Variants in GPHN observed in about 807,000 individuals in gnomAD.
GPHN encodes the protein gephyrin.
A neutral mutation model predicts 95.5 loss-of-function variants in GPHN; 17 were observed. That is an observed-to-expected ratio of 0.18 (90% CI 0.12 to 0.27). The LOEUF (loss-of-function observed/expected upper bound fraction) is 0.27, where lower values mean the gene tolerates loss of function less well. Ranked by LOEUF, GPHN falls within the 10% of genes least tolerant of loss-of-function variation. GPHN has a pLI of 1.00. For synonymous variants in GPHN, 320 were observed against 322.5 expected, an observed-to-expected ratio of 0.99 and a Z score of 0.08; for missense variants, 660 against 978.1, an observed-to-expected ratio of 0.67 and a Z score of 4.34.
chr14:66,832,472 T>G (rs776231245), intron 4 of GPHN, among the ~76,000 whole-genome samples: 1 of 152,234 alleles, frequency 6.6e-6, no homozygotes, highest in Non-Finnish European at 1.5e-5. Flanking sequence ...TGGATATGTC[T>G]TAAAAATAAG....
In GPHN at chr14:66,695,885, G is replaced by A. The variant is rs150884673; in HGVS notation, c.143+14700G>A. ...AGGGATGAGCAGGCAGAGTACAGAG[G>A]ATTTTTAGGGCAGTAAAACTACTCT... On this transcript the variant is annotated intron_variant, in intron 2 of 22. Transcript: ENST00000478722. 3.3e-5 allele frequency among the ~76,000 whole-genome samples: 5 copies of A among 152,290 alleles called. No homozygotes were observed. The East Asian group carries it at 9.6e-4, about 29-fold the overall frequency.
chr14:67,509,322 C>A, the GPHN span, among the ~76,000 whole-genome samples: 13 of 88,820 alleles, frequency 1.5e-4, no homozygotes, highest in South Asian at 5.2e-3. Flanking sequence ...CATCAACTCT[C>A]TCTTTTTTTT....
At chr14:67,214,462 G>A in the GPHN span, among the ~76,000 whole-genome samples, 7 of 152,184 alleles carry the variant, frequency 4.6e-5, no homozygotes, top group Non-Finnish European at 7.3e-5. Flanking sequence ...GTTTGTCAAA[G>A]ATTAGATAGT....
chr14:67,653,584 A>ATAAT, the GPHN span: 1 of 1,213,528 alleles, frequency 8.2e-7, no homozygotes, highest in Non-Finnish European at 1.2e-6. Flanking sequence ...GTAGGCATTA[A>ATAAT]GGGATATATG....
At chr14:66,973,432 T>C (rs2069957345) in intron 9 of GPHN, among the ~76,000 whole-genome samples, 1 of 152,244 alleles carries the variant, frequency 6.6e-6, no homozygotes, top group Non-Finnish European at 1.5e-5. Context: ...CCCAGGATAT[T>C]CTGTCTACTA....
chr14:67,147,435 A>G (rs1410562118), intron 18 of GPHN, among the ~76,000 whole-genome samples: 2 of 152,236 alleles, frequency 1.3e-5, no homozygotes, highest in Non-Finnish European at 2.9e-5. Flanking sequence ...TCCATAACCA[A>G]TAATATCAGA....
At chr14:67,557,449 C>T in the GPHN span, 1 of 1,602,620 alleles carries the variant, frequency 6.2e-7, no homozygotes. Flanking sequence ...GAGCACCATG[C>T]CCTCTTCGAC....
the GPHN span, chr14:67,662,581 C>T: frequency 3.2e-6 from 5 of 1,543,088 alleles, no homozygotes; most frequent in East Asian, 4.5e-5. Flanking sequence ...TGTTTCCACA[C>T]ATTTGTAAAG....
At chr14:67,599,942 C>T in the GPHN span, 19 of 1,219,110 alleles carry the variant, frequency 1.6e-5, no homozygotes, top group East Asian at 3.7e-4. Context: ...ACCAGAGGTC[C>T]GGGCTCGACC....
At chr14:66,897,707 G>A (rs1222941485) in intron 5 of GPHN, among the ~76,000 whole-genome samples, 1 of 152,004 alleles carries the variant, frequency 6.6e-6, no homozygotes, top group Non-Finnish European at 1.5e-5. Context: ...TACTATATAT[G>A]CACTACAGTT....
At chr14:67,578,578 G>A in the GPHN span, 4 of 1,612,262 alleles carry the variant, frequency 2.5e-6, no homozygotes, top group African/African-American at 4.0e-5. The surrounding 1 kb of genome is among the most constrained non-coding windows in gnomAD (Gnocchi z 5.0). Context: ...TCCTGCCTCA[G>A]CATCACTTCC....
intron 3 of GPHN, among the ~76,000 whole-genome samples, chr14:66,795,287 A>T (rs975218835): frequency 6.6e-6 from 1 of 152,004 alleles, no homozygotes; most frequent in African/African-American, 2.4e-5. Context: ...TGCTTTCATG[A>T]TAATCTATTT....
At chr14:67,696,725 T>C in the GPHN span, among the ~76,000 whole-genome samples, 1 of 152,230 alleles carries the variant, frequency 6.6e-6, no homozygotes, top group African/African-American at 2.4e-5. Flanking sequence ...CCCTGTTCAA[T>C]AGTTTCTTTC....
the GPHN span, among the ~76,000 whole-genome samples, chr14:67,660,429 GAA>G: frequency 6.6e-6 from 1 of 152,060 alleles, no homozygotes; most frequent in Non-Finnish European, 1.5e-5. Context: ...AAATTAAACA[GAA>G]AAGGAGTCAG....
the GPHN span, among the ~76,000 whole-genome samples, chr14:67,423,424 G>A: frequency 6.6e-6 from 1 of 152,098 alleles, no homozygotes; most frequent in Non-Finnish European, 1.5e-5. Flanking sequence ...CCAGTCCCTG[G>A]CACAGTCTAG....
the GPHN span, chr14:67,582,046 G>A: frequency 1.9e-6 from 3 of 1,599,436 alleles, no homozygotes; most frequent in South Asian, 2.3e-5. The surrounding 1 kb of genome is among the most constrained non-coding windows in gnomAD (Gnocchi z 5.0). Context: ...CTGAGTCCTG[G>A]TTTCTTATTC....
At chr14:67,387,506 G>T in the GPHN span, 6 of 1,573,032 alleles carry the variant, frequency 3.8e-6, no homozygotes, top group Non-Finnish European at 5.2e-6. Context: ...AGCCATGTCT[G>T]CTTTCATCTT....
At chr14:67,253,391 G>T in the GPHN span, among the ~76,000 whole-genome samples, 1 of 152,202 alleles carries the variant, frequency 6.6e-6, no homozygotes, top group African/African-American at 2.4e-5. Flanking sequence ...AATAGTGAAA[G>T]TCAAATGAGA....
intron 17 of GPHN, among the ~76,000 whole-genome samples, chr14:67,139,031 T>G (rs545522798): frequency 6.1e-4 from 92 of 151,652 alleles, no homozygotes; most frequent in African/African-American, 2.1e-3. Flanking sequence ...AAGACTAGCC[T>G]GGCAAACATG....
Sources: gnomAD v4.1 joint callset for allele counts (sites outside exome capture counted in the v4.1 genomes callset) on GRCh38, gnomAD v4.1.1 for gene constraint, Gnocchi (gnomAD v3.1) non-coding constraint, MANE v1.5 for transcripts, NCBI Gene and HGNC (gene_info 2026-07-23, HGNC 2026-07-21) for gene names.